TBC1D14: variants seen among roughly 807,000 people sequenced by gnomAD.
The protein encoded by TBC1D14 is TBC1 domain family, member 14.
TBC1D14 carries 26 observed loss-of-function variants against 79.0 expected under a neutral mutation model. The observed-to-expected ratio is 0.33, with a 90% CI of 0.24 to 0.46. TBC1D14 has a LOEUF of 0.46. Ranked by LOEUF, TBC1D14 falls within the 20% of genes least tolerant of loss-of-function variation. TBC1D14 has a pLI of 1.00. For missense variants in TBC1D14, 769 were observed against 887.6 expected (o/e 0.87, Z 1.70); for synonymous variants, 394 against 349.9 (o/e 1.13, Z -1.40).
intron 9 of TBC1D14, chr4:7,007,388 A>G (rs1171325402): frequency 2.3e-6 from 1 of 431,608 alleles, no homozygotes; most frequent in Non-Finnish European, 4.1e-6. Flanking sequence ...AAGACCTTCT[A>G]TTCTTTGAGC....
intron 2 of TBC1D14, among the ~76,000 whole-genome samples, chr4:6,937,351 C>T (rs1374135728): frequency 6.6e-6 from 1 of 152,198 alleles, no homozygotes; most frequent in Non-Finnish European, 1.5e-5. Flanking sequence ...AGCTGTTGAA[C>T]ATGTTTTTTT....
chr4:7,001,563 G>T (rs746816326), intron 7 of TBC1D14: 12 of 299,308 alleles, frequency 4.0e-5, no homozygotes, highest in Non-Finnish European at 6.4e-5. Flanking sequence ...CCTGCGACGT[G>T]AGTGTGGAAG....
chr4:7,029,265 C>T (rs908679685), intron 13 of TBC1D14, among the ~76,000 whole-genome samples: 1 of 152,242 alleles, frequency 6.6e-6, no homozygotes, highest in Non-Finnish European at 1.5e-5. Flanking sequence ...AATGCTTTTA[C>T]TTTTAAATTT....
chr4:6,985,613 GTTATC>G (rs1717749177), intron 3 of TBC1D14, among the ~76,000 whole-genome samples: 1 of 152,220 alleles, frequency 6.6e-6, no homozygotes, highest in East Asian at 1.9e-4. Flanking sequence ...AATCTTTGGG[GTTATC>G]TTTTCTTTTG....
chr4:6,938,741 C>T (rs1003923791), intron 2 of TBC1D14, among the ~76,000 whole-genome samples: 4 of 152,224 alleles, frequency 2.6e-5, no homozygotes, highest in Non-Finnish European at 2.9e-5. Flanking sequence ...CTGTGTGCCT[C>T]GTGGATCCCG....
At chr4:6,953,023 C>CTTTTTT (rs371101904) in intron 2 of TBC1D14, among the ~76,000 whole-genome samples, 7 of 107,098 alleles carry the variant, frequency 6.5e-5, no homozygotes, top group Admixed American at 1.1e-4. Flanking sequence ...TTTTTTCTTT[C>CTTTTTT]TTTTTTTTTT....
intron 5 of TBC1D14, 124 bp downstream of exon 5, chr4:6,996,531 C>T: frequency 4.3e-6 from 3 of 697,442 alleles, no homozygotes; most frequent in Middle Eastern, 2.6e-4. Context: ...TTGTAGTCTT[C>T]CAGTAAAAAA....
rs536957039 is a variant in TBC1D14 at position 6,928,736 on chromosome 4, C to T, written c.722+4625C>T. On this transcript the variant is annotated intron_variant, in intron 2 of 13. Coordinates refer to ENST00000409757, the MANE Select transcript of TBC1D14 (RefSeq NM_020773.3). ...AAAGCTGACTAATTCAAGTAAGTAC[C>T]GTGAGTTTTCATTTACATGTGAGGA... Among the ~76,000 whole-genome samples the T allele has an allele frequency of 6.6e-5, 10 of 152,162 alleles. No homozygotes were observed. The East Asian group carries it at 1.5e-3, about 23-fold the overall frequency.
chr4:6,940,588 C>A (rs759044752), intron 2 of TBC1D14, among the ~76,000 whole-genome samples: 2 of 151,942 alleles, frequency 1.3e-5, no homozygotes, highest in Non-Finnish European at 2.9e-5. Flanking sequence ...ACCTCTAGTG[C>A]ACATTTAAAT....
At chr4:6,953,586 T>G (rs1450757658) in intron 2 of TBC1D14, among the ~76,000 whole-genome samples, 1 of 118,980 alleles carries the variant, frequency 8.4e-6, no homozygotes, top group East Asian at 2.7e-4. Flanking sequence ...GAGCCGAGAT[T>G]GCGCCACTGC....
intron 1 of TBC1D14, among the ~76,000 whole-genome samples, chr4:6,920,331 G>T (rs941172747): frequency 6.6e-6 from 1 of 151,814 alleles, no homozygotes; most frequent in African/African-American, 2.4e-5. Flanking sequence ...GAGTGCAGTG[G>T]TGATCATAGC....
chr4:7,021,575 C>T (rs1044602060), intron 12 of TBC1D14, among the ~76,000 whole-genome samples: 7 of 151,510 alleles, frequency 4.6e-5, no homozygotes, highest in Admixed American at 1.3e-4. Flanking sequence ...CTGGCCTGGG[C>T]GACACAGTGA....
intron 9 of TBC1D14, among the ~76,000 whole-genome samples, chr4:7,008,962 C>T (rs1275418969): frequency 6.6e-6 from 1 of 152,180 alleles, no homozygotes; most frequent in East Asian, 1.9e-4. Flanking sequence ...TGGATGCTGG[C>T]ATTTTTACCC....
chr4:6,946,970 T>G (rs950508702), intron 2 of TBC1D14, among the ~76,000 whole-genome samples: 2 of 152,206 alleles, frequency 1.3e-5, no homozygotes, highest in Non-Finnish European at 2.9e-5. Context: ...TCCTTACTAT[T>G]AGGTGGAGAT....
chr4:6,912,457 T>C (rs1159596937), intron 1 of TBC1D14, among the ~76,000 whole-genome samples: 1 of 152,114 alleles, frequency 6.6e-6, no homozygotes, highest in Non-Finnish European at 1.5e-5. Flanking sequence ...GAATTCTTGA[T>C]TGTCCATCTG....
chr4:6,941,511 C>CT (rs1442244845), intron 2 of TBC1D14, among the ~76,000 whole-genome samples: 8 of 152,184 alleles, frequency 5.3e-5, no homozygotes, highest in Non-Finnish European at 1.2e-4. Context: ...GTTCTTACCA[C>CT]TTTATGTTGC....
chr4:6,911,333 C>G (rs1722972167), intron 1 of TBC1D14, among the ~76,000 whole-genome samples: 1 of 152,214 alleles, frequency 6.6e-6, no homozygotes, highest in Non-Finnish European at 1.5e-5. Flanking sequence ...TCAGCTGGTA[C>G]TAAGGGAGAC....
At chr4:6,919,975 C>T (rs1330214800) in intron 1 of TBC1D14, among the ~76,000 whole-genome samples, 2 of 147,152 alleles carry the variant, frequency 1.4e-5, no homozygotes, top group East Asian at 2.1e-4. Context: ...AGTGCCGTGG[C>T]GCTGTCACAG....
Position 7,031,022 on chromosome 4 carries a change from C to A in TBC1D14, c.*630C>A, listed in dbSNP as rs61746321. On this transcript the variant is annotated 3_prime_UTR_variant, in exon 14 of 14. Coordinates refer to ENST00000409757, the MANE Select transcript of TBC1D14 (RefSeq NM_020773.3). ...CCTTGACACAGTCACAGTGTAGAGG[C>A]TGCAGGTGCACACGTGGGCTCCAGT... The A allele has an allele frequency of 0.02, 2,985 of 152,678 alleles. 39 individuals are homozygous for A. Among genetic ancestry groups the A allele is most frequent in the Middle Eastern group, 0.031 (9 of 294 alleles). 9.5% of individuals were successfully genotyped at this position (152,678 alleles called of 1,614,324 possible). A position where few individuals can be genotyped will look rare whatever the true frequency, so the allele number is the denominator to read the frequency against.
Sources: allele counts gnomAD v4.1 joint callset (sites outside exome capture counted in the v4.1 genomes callset), GRCh38; gene constraint gnomAD v4.1.1; transcripts MANE v1.5; gene names NCBI Gene and HGNC (gene_info 2026-07-23, HGNC 2026-07-21).